ALG12: variants seen among roughly 807,000 people sequenced by gnomAD.
ALG12 encodes ALG12 alpha-1,6-mannosyltransferase, also known as dol-P-Man:Man(7)GlcNAc(2)-PP-Dol alpha-1,6-mannosyltransferase.
Under a neutral mutation model 46.0 loss-of-function variants are expected in ALG12, and 36 were observed. That is an observed-to-expected ratio of 0.78 (90% CI 0.60 to 1.03). The LOEUF (loss-of-function observed/expected upper bound fraction) is 1.03, where lower values mean the gene tolerates loss of function less well. ALG12 is among the 50% of genes least tolerant of loss of function. The pLI is 0.00. For synonymous variants in ALG12, 326 were observed against 291.6 expected, an observed-to-expected ratio of 1.12 and a Z score of -1.20; for missense variants, 599 against 633.5, an observed-to-expected ratio of 0.95 and a Z score of 0.58.
At chr22:49,861,408 G>A in the ALG12 span, among the ~76,000 whole-genome samples, 1 of 152,076 alleles carries the variant, frequency 6.6e-6, no homozygotes, top group African/African-American at 2.4e-5. Flanking sequence ...TCTCAAAGTG[G>A]TGGGATTACA....
the ALG12 span, among the ~76,000 whole-genome samples, chr22:49,882,402 A>T: frequency 6.6e-6 from 1 of 152,232 alleles, no homozygotes; most frequent in Non-Finnish European, 1.5e-5. Context: ...AAGTGACAGT[A>T]AAACTCCGTC....
the ALG12 span, among the ~76,000 whole-genome samples, chr22:49,860,501 G>A: frequency 6.6e-5 from 10 of 152,232 alleles, no homozygotes; most frequent in Middle Eastern, 3.4e-3. Flanking sequence ...TTTTTGTTGA[G>A]TTCTTTTTGT....
the ALG12 span, chr22:49,886,664 G>A: frequency 9.9e-6 from 16 of 1,609,162 alleles, no homozygotes; most frequent in African/African-American, 9.4e-5. The surrounding 1 kb of genome is among the most constrained non-coding windows in gnomAD (Gnocchi z 7.7). Context: ...CACGACCCGC[G>A]GTACGTCTTC....
At chr22:49,880,361 C>T in the ALG12 span, among the ~76,000 whole-genome samples, 3 of 152,220 alleles carry the variant, frequency 2.0e-5, no homozygotes, top group Non-Finnish European at 2.9e-5. Flanking sequence ...GCCAAAGACA[C>T]GAGGAACCTC....
the ALG12 span, among the ~76,000 whole-genome samples, chr22:49,865,249 A>T: frequency 6.6e-6 from 1 of 152,052 alleles, no homozygotes; most frequent in Non-Finnish European, 1.5e-5. Flanking sequence ...CCAAACAGAA[A>T]AGGCACAGTA....
At position 49,913,952 on chromosome 22, in the gene ALG12, C is replaced by T; in HGVS notation, c.-78-109G>A. 10 of 688,284 alleles carry T rather than the reference C, an allele frequency of 1.5e-5. 1 individual carries two copies. In the South Asian group the frequency reaches 1.8e-4, roughly 12 times the overall value. 42.6% of individuals were successfully genotyped at this position (688,284 alleles called of 1,614,324 possible). ...ATTCTCTGAACTACTGTCTTAGTCGCACTACTACAAATCTGAAAACGCATC... is the reference window on the plus strand; with the variant it reads ...ATTCTCTGAACTACTGTCTTAGTCGTACTACTACAAATCTGAAAACGCATC... On this transcript the variant is annotated intron_variant, in intron 1 of 9. Coordinates refer to ENST00000330817, the MANE Select transcript of ALG12 (RefSeq NM_024105.4).
the ALG12 span, among the ~76,000 whole-genome samples, chr22:49,893,220 AGAG>A: frequency 3.3e-5 from 5 of 152,240 alleles, no homozygotes; most frequent in Non-Finnish European, 7.3e-5. Flanking sequence ...GAGTCCCAGA[AGAG>A]GAGAGAGAAG....
At chr22:49,889,885 G>A in the ALG12 span, 2 of 167,142 alleles carry the variant, frequency 1.2e-5, no homozygotes, top group East Asian at 1.9e-4. Flanking sequence ...TTCCCTGCCT[G>A]GAAATGATGT....
chr22:49,885,099 C>T, the ALG12 span: 1 of 1,613,948 alleles, frequency 6.2e-7, no homozygotes, highest in Non-Finnish European at 8.5e-7. Context: ...AGTGTCGGTA[C>T]TGCGGCTGTG....
the ALG12 span, among the ~76,000 whole-genome samples, chr22:49,871,461 C>T: frequency 6.6e-5 from 10 of 151,890 alleles, no homozygotes; most frequent in African/African-American, 9.7e-5. Context: ...CCAGCCTGGG[C>T]GACAGAGTGA....
At position 49,903,569 on chromosome 22, in the gene ALG12, C is replaced by A; in HGVS notation, c.*269G>T. On this transcript the variant is annotated 3_prime_UTR_variant, in exon 10 of 10. Coordinates refer to ENST00000330817, the MANE Select transcript of ALG12 (RefSeq NM_024105.4). ...GCACCTGGTCTGGGCGACAGTCACC[C>A]GCAGGAAGCCCTGAGCTGGCCACCA... is the stretch of plus-strand genomic sequence containing the variant. 1.5e-6 allele frequency: 1 copy of A among 645,548 alleles called. No individual in the cohort carries two copies. Among genetic ancestry groups the A allele is most frequent in the Admixed American group, 2.1e-5 (1 of 48,074 alleles). 40.0% of individuals were successfully genotyped at this position (645,548 alleles called of 1,614,324 possible).
the ALG12 span, among the ~76,000 whole-genome samples, chr22:49,875,251 A>G: frequency 6.6e-6 from 1 of 151,006 alleles, no homozygotes; most frequent in Non-Finnish European, 1.5e-5. Flanking sequence ...AATGTTTGGT[A>G]GAATTCACCA....
At chr22:49,874,658 C>G in the ALG12 span, among the ~76,000 whole-genome samples, 2 of 142,200 alleles carry the variant, frequency 1.4e-5, no homozygotes, top group African/African-American at 5.1e-5. Flanking sequence ...CAGGCGTGAA[C>G]CACCATGCCC....
intron 7 of ALG12, chr22:49,904,707 A>C: frequency 1.6e-6 from 1 of 607,666 alleles, no homozygotes; most frequent in Non-Finnish European, 2.9e-6. Flanking sequence ...AATTCTACCC[A>C]AGATGCCAAT....
At chr22:49,910,227 G>T in intron 4 of ALG12, 139 bp from the exon 5 acceptor site, 1 of 1,194,884 alleles carries the variant, frequency 8.4e-7, no homozygotes, top group Non-Finnish European at 1.2e-6. Flanking sequence ...GCTCAGAGCC[G>T]CTCCCCGCAC....
intron 3 of ALG12, among the ~76,000 whole-genome samples, chr22:49,913,106 G>C (rs1293255172): frequency 6.6e-6 from 1 of 152,212 alleles, no homozygotes; most frequent in Non-Finnish European, 1.5e-5. Flanking sequence ...GGGAGCAGCA[G>C]GCTCAGGTGG....
chr22:49,906,355 G>A lies in ALG12; in HGVS notation c.992+1366C>T, dbSNP rs992821881. Among the ~76,000 whole-genome samples, 12 of 152,298 alleles carry A rather than the reference G, an allele frequency of 7.9e-5. No individual in the cohort carries two copies. The highest frequency in any genetic ancestry group is 2.0e-4 in the Admixed American group (3 of 15,306). On this transcript the variant is annotated intron_variant, in intron 7 of 9. Coordinates refer to ENST00000330817, the MANE Select transcript of ALG12 (RefSeq NM_024105.4). The surrounding 1 kb of genome is among the most constrained non-coding windows in gnomAD (Gnocchi z 4.4). ...CCAGCCCTGAGCCGACCCCTGAGAC[G>A]AGAGGGAGCCAAAGGCACAGAAAAG...
the ALG12 span, among the ~76,000 whole-genome samples, chr22:49,880,119 C>T: frequency 9.7e-6 from 1 of 102,882 alleles, no homozygotes; most frequent in African/African-American, 2.6e-5. Context: ...ACCGTTTCCT[C>T]CTCTTGAGGC....
chr22:49,884,181 T>C, the ALG12 span: 8 of 1,611,530 alleles, frequency 5.0e-6, no homozygotes, highest in African/African-American at 1.3e-5. Flanking sequence ...TTCAGGAAAA[T>C]GGCAGTGTGT....
Sources: allele counts gnomAD v4.1 joint callset (sites outside exome capture counted in the v4.1 genomes callset), GRCh38; gene constraint gnomAD v4.1.1; non-coding constraint Gnocchi (gnomAD v3.1); transcripts MANE v1.5; gene names NCBI Gene and HGNC (gene_info 2026-07-23, HGNC 2026-07-21).